Variants in ITGA8 observed in about 807,000 individuals in gnomAD.
The protein encoded by ITGA8 is integrin alpha-8.
Under a neutral mutation model 142.3 loss-of-function variants are expected in ITGA8, and 91 were observed. That is an observed-to-expected ratio of 0.64 (90% CI 0.54 to 0.76). The LOEUF is 0.76. Ranked by LOEUF, ITGA8 falls within the 30% of genes least tolerant of loss-of-function variation. The pLI is 0.00. For synonymous variants in ITGA8, 505 were observed against 485.2 expected (o/e 1.04, Z -0.54); for missense variants, 1,406 against 1,327.7 (o/e 1.06, Z -0.92).
At chr10:15,691,482 A>G (rs1196363842) in intron 2 of ITGA8, among the ~76,000 whole-genome samples, 1 of 152,198 alleles carries the variant, frequency 6.6e-6, no homozygotes, top group Non-Finnish European at 1.5e-5. Context: ...TGTGGTGTGT[A>G]TATGATGGAA....
intron 26 of ITGA8, among the ~76,000 whole-genome samples, chr10:15,551,982 A>G (rs559362773): frequency 3.5e-4 from 54 of 152,248 alleles, no homozygotes; most frequent in African/African-American, 1.2e-3. Context: ...TTACATCAAC[A>G]TTTAAAGAGA....
intron 24 of ITGA8, among the ~76,000 whole-genome samples, chr10:15,574,011 T>C (rs1253875785): frequency 6.6e-6 from 1 of 152,194 alleles, no homozygotes; most frequent in East Asian, 1.9e-4. Flanking sequence ...TTTTAGAGAT[T>C]GGCCCTTGCT....
chr10:15,675,221 C>CT (rs1215435501), intron 6 of ITGA8, among the ~76,000 whole-genome samples: 1 of 152,166 alleles, frequency 6.6e-6, no homozygotes, highest in Non-Finnish European at 1.5e-5. Context: ...AGGTGAAACC[C>CT]TTTGGGTATC....
chr10:15,534,962 T>G (rs1833391479), intron 27 of ITGA8, among the ~76,000 whole-genome samples: 2 of 151,738 alleles, frequency 1.3e-5, no homozygotes, highest in Admixed American at 6.6e-5. Context: ...TGCCGGGAGG[T>G]GTGGAGGGAG....
intron 15 of ITGA8, among the ~76,000 whole-genome samples, chr10:15,610,016 G>C (rs1833263697): frequency 6.6e-6 from 1 of 152,048 alleles, no homozygotes; most frequent in Admixed American, 6.6e-5. Context: ...TTACCTGTCA[G>C]TATAAATCTC....
intron 22 of ITGA8, among the ~76,000 whole-genome samples, chr10:15,590,333 C>T (rs532179296): frequency 6.6e-6 from 1 of 152,152 alleles, no homozygotes; most frequent in Non-Finnish European, 1.5e-5. Context: ...AGGATGGACT[C>T]GGGGAAGCCA....
intron 3 of ITGA8, among the ~76,000 whole-genome samples, chr10:15,687,536 TCGGTGTAAAA>T (rs1276191660): frequency 2.0e-5 from 3 of 152,180 alleles, no homozygotes; most frequent in Non-Finnish European, 2.9e-5. Flanking sequence ...AGCTTTCCTT[TCGGTGTAAAA>T]AGGATCAATG....
At chr10:15,618,048 G>C (rs1203341217) in intron 13 of ITGA8, among the ~76,000 whole-genome samples, 2 of 152,148 alleles carry the variant, frequency 1.3e-5, no homozygotes, top group Non-Finnish European at 2.9e-5. Context: ...ATGTAAAGAT[G>C]GTAATGATAG....
intron 3 of ITGA8, among the ~76,000 whole-genome samples, chr10:15,684,981 C>T (rs903471291): frequency 3.3e-5 from 5 of 152,264 alleles, no homozygotes; most frequent in African/African-American, 9.6e-5. Flanking sequence ...TTCATCTGGA[C>T]GCACTTCTCC....
rs1277414962 is a variant in ITGA8 at position 15,672,648 on chromosome 10, C to A, written c.778G>T (p.Ala260Ser). 1.2e-6 allele frequency: 2 copies of A among 1,613,554 alleles called. No individual in the cohort carries two copies. Among genetic ancestry groups the A allele is most frequent in the Non-Finnish European group, 8.5e-7 (1 of 1,179,718 alleles). ...CCAAGGTAACTGTCATCATAGGAAG[C>A]TGGAGCCACTTCCGTCTGCTTTTCT... is the stretch of plus-strand genomic sequence containing the variant. ...AGEKQTEVAP[A>S]SYDDSYLGYS... Residue 260 changes from alanine to serine, a missense_variant, in exon 7 of 30, where the codon GCT becomes TCT. Coordinates refer to ENST00000378076, the MANE Select transcript of ITGA8 (RefSeq NM_003638.3).
intron 27 of ITGA8, among the ~76,000 whole-genome samples, chr10:15,537,545 G>T (rs1833471451): frequency 6.6e-6 from 1 of 151,942 alleles, no homozygotes; most frequent in Admixed American, 6.5e-5. Flanking sequence ...GCAGACACCG[G>T]GTCTTCTTTA....
At chr10:15,672,892 A>T in intron 6 of ITGA8, 143 bp from the exon 7 acceptor site, 1 of 822,632 alleles carries the variant, frequency 1.2e-6, no homozygotes, top group Non-Finnish European at 1.8e-6. Flanking sequence ...TCAAACTCCA[A>T]GGCAGAGTTA....
rs76237297 is a variant in ITGA8, at chr10:15,539,869, G to T, written c.2880+8586C>A. Among the ~76,000 whole-genome samples, 171 of 152,226 alleles carry T rather than the reference G, an allele frequency of 1.1e-3. 3 individuals are homozygous for T. In the East Asian group the frequency reaches 0.031, roughly 27 times the overall value. On this transcript the variant is annotated intron_variant, in intron 27 of 29. Coordinates refer to ENST00000378076, the MANE Select transcript of ITGA8 (RefSeq NM_003638.3). ...AATTGTAATAATCCCCAGTGTCAAG[G>T]GTGGGGCCGGGTGGAGATAATTGAA... is the stretch of plus-strand genomic sequence containing the variant.
chr10:15,692,059 T>C (rs1834945373), intron 2 of ITGA8, among the ~76,000 whole-genome samples: 1 of 152,082 alleles, frequency 6.6e-6, no homozygotes, highest in African/African-American at 2.4e-5. Context: ...CATCTCAGCC[T>C]CTCAAGTAGC....
At chr10:15,634,938 A>G (rs926238631) in intron 13 of ITGA8, among the ~76,000 whole-genome samples, 1 of 152,078 alleles carries the variant, frequency 6.6e-6, no homozygotes, top group Non-Finnish European at 1.5e-5. Flanking sequence ...CTGTGAGTCC[A>G]AAAGTATTTC....
chr10:15,580,126 T>TAAAAAAAAAAAAAAAAAAAAAAAAAAAAG (rs35286236), intron 23 of ITGA8, among the ~76,000 whole-genome samples: 1 of 108,900 alleles, frequency 9.2e-6, no homozygotes, highest in African/African-American at 3.6e-5. Flanking sequence ...TCAGAAAATG[T>TAAAAAAAAAAAAAAAAAAAAAAAAAAAAG]AAAAAAAAAA....
At position 15,572,264 on chromosome 10, in the gene ITGA8, G is replaced by C; in HGVS notation, c.2584C>G (p.Leu862Val). 1 of 1,613,994 alleles carries C rather than the reference G, an allele frequency of 6.2e-7. No homozygotes were observed. The highest frequency in any genetic ancestry group is 8.5e-7 in the Non-Finnish European group (1 of 1,179,932). The change falls in exon 25 of 30, where the codon CTG becomes GTG. Residue 862 changes from leucine to valine, a missense_variant. By Grantham distance (32) the Leu-to-Val change is conservative. Transcript: ENST00000378076. ...FLLYIFHIQT[L>V]GPLQCQPNPN... is the part of the protein sequence containing the mutation. Reference sequence around the variant, plus strand: ...TTTGGTTGGCACTGCAGAGGTCCCAGAGTTTGAATATGGAAAATATAGAGA... The same window carrying C: ...TTTGGTTGGCACTGCAGAGGTCCCACAGTTTGAATATGGAAAATATAGAGA...
rs773991809 is a variant in ITGA8 at position 15,613,676 on chromosome 10, T to C, written c.1537A>G (p.Met513Val). The C allele has an allele frequency of 1.9e-6, 3 of 1,612,642 alleles. No individual in the cohort carries two copies. The South Asian group carries it at 3.3e-5, about 18-fold the overall frequency. ...ENKTCQVPDS[M>V]TSAACFSLRV... ...CTAACTCACCAGGCAGCAGATGTCA[T>C]AGAGTCTGGAACCTGGCAAGTTTTA... The change falls in exon 15 of 30, where the codon ATG (methionine) becomes GTG (valine). Residue 513 changes from methionine (M) to valine (V), a missense_variant. Met to Val is a conservative substitution (Grantham distance 21). Coordinates refer to ENST00000378076, the MANE Select transcript of ITGA8 (RefSeq NM_003638.3).
chr10:15,699,506 C>G (rs1835121417), intron 2 of ITGA8, among the ~76,000 whole-genome samples: 1 of 152,166 alleles, frequency 6.6e-6, no homozygotes, highest in African/African-American at 2.4e-5. Context: ...CTAGCTCATT[C>G]TTTTTAACTC....
Sources: allele counts gnomAD v4.1 joint callset (sites outside exome capture counted in the v4.1 genomes callset), GRCh38; gene constraint gnomAD v4.1.1; transcripts MANE v1.5; gene names NCBI Gene and HGNC (gene_info 2026-07-23, HGNC 2026-07-21).